PNKD: variants seen among roughly 807,000 people sequenced by gnomAD.
PNKD encodes the protein PNKD metallo-beta-lactamase domain containing.
A neutral mutation model predicts 45.3 loss-of-function variants in PNKD; 36 were observed. The observed-to-expected ratio is 0.80, with a 90% CI of 0.61 to 1.05. PNKD has a LOEUF of 1.05. PNKD is among the 50% of genes least tolerant of loss of function. The pLI, the probability that PNKD is intolerant of heterozygous loss-of-function variation, is 0.00. For missense variants in PNKD, 511 were observed against 506.6 expected, an observed-to-expected ratio of 1.01 and a Z score of -0.08; for synonymous variants, 197 against 210.1, an observed-to-expected ratio of 0.94 and a Z score of 0.54.
intron 2 of PNKD, among the ~76,000 whole-genome samples, chr2:218,338,641 A>C (rs1005242798): frequency 6.6e-6 from 1 of 151,416 alleles, no homozygotes; most frequent in African/African-American, 2.4e-5. Flanking sequence ...CCATCACCAC[A>C]CCCGGCTAAT....
chr2:218,296,585 C>A (rs1693145438), intron 2 of PNKD, among the ~76,000 whole-genome samples: 1 of 152,168 alleles, frequency 6.6e-6, no homozygotes, highest in Non-Finnish European at 1.5e-5. Flanking sequence ...CTCATAGCTG[C>A]CTGGTTACCT....
rs375626242 is a variant in PNKD, at chr2:218,342,147, G to A, written c.781+3G>A. The A allele has an allele frequency of 6.2e-7, 1 of 1,611,664 alleles. No homozygotes were observed. Among genetic ancestry groups the A allele is most frequent in the Non-Finnish European group, 8.5e-7 (1 of 1,179,656 alleles). The stretch of plus-strand genomic sequence containing the variant: ...CCTGCTCTTCCTCTCTGGCTGTGGT[G>A]AGTTTCCCCGAAAGAGAGAGGAGCT... On this transcript the variant is annotated splice_donor_region_variant and intron_variant, in intron 7 of 9. Transcript: ENST00000273077.
Position 218,274,392 on chromosome 2 carries a change from T to C in PNKD, c.236+2843T>C, listed in dbSNP as rs564704855. The stretch of plus-strand genomic sequence containing the variant: ...GCACTTAATATTACAAAGAAGGCAG[T>C]GGCTGGCTGGAGAGATGGGCCTCAA... On this transcript the variant is annotated intron_variant, in intron 2 of 9. Transcript: ENST00000273077. 71 of 154,922 alleles carry C rather than the reference T, an allele frequency of 4.6e-4. 1 individual carries two copies. The South Asian group carries it at 0.014, about 30-fold the overall frequency. 9.6% of individuals were successfully genotyped at this position (154,922 alleles called of 1,614,324 possible).
At chr2:218,311,380 A>G (rs533836877) in intron 2 of PNKD, among the ~76,000 whole-genome samples, 2 of 152,322 alleles carry the variant, frequency 1.3e-5, no homozygotes, top group South Asian at 2.1e-4. Context: ...CGCTCAGCAT[A>G]CAGAGGACCC....
chr2:218,342,211 TC>T, intron 7 of PNKD, 67 bp downstream of exon 7: 1 of 1,341,180 alleles, frequency 7.5e-7, no homozygotes, highest in Non-Finnish European at 1.1e-6. Context: ...GCAGCCACAG[TC>T]CCATGGAGAG....
At chr2:218,319,478 C>T (rs1308904255) in intron 2 of PNKD, among the ~76,000 whole-genome samples, 2 of 145,304 alleles carry the variant, frequency 1.4e-5, no homozygotes, top group Non-Finnish European at 3.0e-5. Context: ...TAGGTTCAAG[C>T]AGTTCTCCTG....
chr2:218,277,457 G>A (rs760240761), intron 2 of PNKD: 1 of 1,614,038 alleles, frequency 6.2e-7, no homozygotes, highest in Admixed American at 1.7e-5. Context: ...GTACATACTG[G>A]GGAGAAGCAG....
At chr2:218,296,747 C>A (rs564134862) in intron 2 of PNKD, among the ~76,000 whole-genome samples, 1 of 152,070 alleles carries the variant, frequency 6.6e-6, no homozygotes, top group Admixed American at 6.6e-5. Flanking sequence ...AGCATGATCT[C>A]GGCTCCCTGC....
intron 7 of PNKD, among the ~76,000 whole-genome samples, chr2:218,342,629 G>T (rs569743366): frequency 6.6e-6 from 1 of 152,164 alleles, no homozygotes; most frequent in South Asian, 2.1e-4. Flanking sequence ...GAACCCGAGA[G>T]GTAGAGGTTG....
intron 2 of PNKD, among the ~76,000 whole-genome samples, chr2:218,300,458 T>C (rs1693244752): frequency 6.6e-6 from 1 of 152,194 alleles, no homozygotes; most frequent in Non-Finnish European, 1.5e-5. Context: ...TCTCAAACTT[T>C]AATGTGCAAA....
At chr2:218,334,706 C>A in intron 2 of PNKD, 1 of 702,702 alleles carries the variant, frequency 1.4e-6, no homozygotes, top group Non-Finnish European at 2.6e-6. Context: ...TGATCTTATG[C>A]CCTCCTCAGT....
In PNKD at chr2:218,340,950, A is replaced by AG; in HGVS notation, c.524+164_524+165insG. On this transcript the variant is annotated intron_variant, in intron 5 of 9. Transcript: ENST00000273077. The surrounding 1 kb of genome is among the most constrained non-coding windows in gnomAD (Gnocchi z 4.2). Reference sequence around the variant, plus strand: ...CACCAGCAGGGAGGGAGGAGAGGGGACAGTCTCCCACCACTCCATTGATCA... The same window carrying AG: ...CACCAGCAGGGAGGGAGGAGAGGGGAGCAGTCTCCCACCACTCCATTGATCA... The AG allele has an allele frequency of 1.5e-6, 1 of 683,970 alleles. No individual in the cohort carries two copies. The allele number at this position is 683,970 out of a possible 1,614,324, so 42.4% of individuals were successfully genotyped here.
chr2:218,316,268 C>CTTT (rs397972881), intron 2 of PNKD, among the ~76,000 whole-genome samples: 48,968 of 118,538 alleles, frequency 0.41, 11,717 homozygotes, highest in South Asian at 0.55. Context: ...TTCTTTCTTT[C>CTTT]TTTTTTTTTT....
chr2:218,297,290 G>T (rs962969641), intron 2 of PNKD, among the ~76,000 whole-genome samples: 2 of 152,234 alleles, frequency 1.3e-5, no homozygotes, highest in African/African-American at 4.8e-5. Flanking sequence ...AGGAAATAGA[G>T]AGTGGAAAGA....
intron 2 of PNKD, among the ~76,000 whole-genome samples, chr2:218,325,282 A>G (rs1694119708): frequency 7.4e-6 from 1 of 135,288 alleles, no homozygotes; most frequent in Non-Finnish European, 1.5e-5. Context: ...ATCTCAGCTC[A>G]CTGCAACCTC....
chr2:218,278,099 G>T, intron 2 of PNKD: 1 of 1,111,154 alleles, frequency 9.0e-7, no homozygotes. Flanking sequence ...AAGGAGGGAG[G>T]TTGGCATGGC....
intron 2 of PNKD, chr2:218,282,178 G>A (rs764156509): frequency 1.3e-5 from 18 of 1,426,968 alleles, no homozygotes; most frequent in Non-Finnish European, 1.7e-5. Context: ...CCAGCTGCTG[G>A]GACCTGAAAT....
intron 2 of PNKD, among the ~76,000 whole-genome samples, chr2:218,298,011 A>AG (rs777831563): frequency 2.1e-3 from 323 of 151,380 alleles, no homozygotes; most frequent in South Asian, 3.3e-3. Flanking sequence ...AAAAAAAAAA[A>AG]AGAGAGAGAG....
intron 9 of PNKD, 118 bp downstream of exon 9, chr2:218,344,688 C>T: frequency 7.2e-7 from 1 of 1,383,232 alleles, no homozygotes; most frequent in Middle Eastern, 1.8e-4. Context: ...CTCTTTGGCC[C>T]ATGGGCCCTC....
Sources: gnomAD v4.1 joint callset for allele counts (sites outside exome capture counted in the v4.1 genomes callset) on GRCh38, gnomAD v4.1.1 for gene constraint, Gnocchi (gnomAD v3.1) non-coding constraint, MANE v1.5 for transcripts, NCBI Gene and HGNC (gene_info 2026-07-23, HGNC 2026-07-21) for gene names.